NOS1: variants seen among roughly 807,000 people sequenced by gnomAD.
NOS1 encodes the protein NOS type I.
In NOS1, 51 loss-of-function variants were observed where a neutral mutation model predicts 164.5. The ratio of observed to expected loss-of-function variants is 0.31; its 90% CI spans 0.25 to 0.39. The LOEUF (loss-of-function observed/expected upper bound fraction) is 0.39, where lower values mean the gene tolerates loss of function less well. Ranked by LOEUF, NOS1 falls within the 10% of genes least tolerant of loss-of-function variation. The probability of loss-of-function intolerance (pLI) is 1.00; values close to 1 mark genes in which losing one functional copy is unlikely to be tolerated. For missense variants in NOS1, 1,362 were observed against 1,885.6 expected (o/e 0.72, Z 5.14); for synonymous variants, 719 against 745.8 (o/e 0.96, Z 0.59).
chr12:117,291,415 C>T (rs1873047418), intron 3 of NOS1, among the ~76,000 whole-genome samples: 1 of 151,830 alleles, frequency 6.6e-6, no homozygotes, highest in African/African-American at 2.4e-5. Context: ...CCTTTAGTCC[C>T]CCATTTGTCT....
In NOS1 at chr12:117,226,697, G is replaced by A. The variant is rs750786310; in HGVS notation, c.3690C>T (p.Pro1230=). Residue 1230 remains proline, a synonymous_variant, in exon 24 of 29, where the codon CCC becomes CCT. Transcript: ENST00000317775. ...TTATTACTCACCCTCTCACGAAACA[G>A]GGGACCAGTTCGTCAGCCTGTATCC... ...LNRIQADELV[P]CFVRGAPSFH... The A allele has an allele frequency of 5.6e-6, 9 of 1,613,810 alleles. No homozygotes were observed. The African/African-American group carries it at 9.3e-5, about 17-fold the overall frequency.
At chr12:117,253,907 T>C (rs1443133460) in intron 16 of NOS1, among the ~76,000 whole-genome samples, 153 bp from the exon 17 acceptor site, 1 of 152,156 alleles carries the variant, frequency 6.6e-6, no homozygotes, top group African/African-American at 2.4e-5. Context: ...TCTTCTATAA[T>C]CTACCAACTT....
intron 3 of NOS1, among the ~76,000 whole-genome samples, chr12:117,302,332 C>T (rs182670141): frequency 5.9e-5 from 9 of 152,238 alleles, no homozygotes; most frequent in African/African-American, 1.4e-4. Flanking sequence ...CGGTGGCTCA[C>T]GCCTGTAATC....
At chr12:117,249,128 A>G (rs1391167032) in intron 17 of NOS1, among the ~76,000 whole-genome samples, 1 of 152,168 alleles carries the variant, frequency 6.6e-6, no homozygotes, top group Admixed American at 6.5e-5. Context: ...TGTCAGTTCT[A>G]GAATTACAGC....
At chr12:117,259,862 G>C (rs931787233) in intron 14 of NOS1, among the ~76,000 whole-genome samples, 3 of 151,990 alleles carry the variant, frequency 2.0e-5, no homozygotes, top group African/African-American at 7.3e-5. Flanking sequence ...GCTCACGCCT[G>C]TAATCCCAGC....
At chr12:117,307,451 C>T (rs1176022185) in intron 3 of NOS1, among the ~76,000 whole-genome samples, 1 of 152,128 alleles carries the variant, frequency 6.6e-6, no homozygotes, top group South Asian at 2.1e-4. Flanking sequence ...GCCTCAACTT[C>T]CCTGGCTCAA....
chr12:117,259,797 G>C (rs1181879125), intron 14 of NOS1, among the ~76,000 whole-genome samples: 37 of 152,078 alleles, frequency 2.4e-4, no homozygotes, highest in Admixed American at 2.4e-3. Flanking sequence ...TAGATTACAG[G>C]CTCTGGGAAG....
intron 3 of NOS1, among the ~76,000 whole-genome samples, chr12:117,299,844 C>T (rs1451047078): frequency 6.6e-6 from 1 of 151,984 alleles, no homozygotes; most frequent in Non-Finnish European, 1.5e-5. Flanking sequence ...AAGCTTTCTC[C>T]AAATTGCAGT....
chr12:117,323,437 T>C (rs1326177613), intron 2 of NOS1, among the ~76,000 whole-genome samples: 1 of 152,208 alleles, frequency 6.6e-6, no homozygotes, highest in Non-Finnish European at 1.5e-5. Flanking sequence ...AGAAAGTCAG[T>C]AGAGGCCAAG....
intron 2 of NOS1, among the ~76,000 whole-genome samples, chr12:117,328,128 C>T (rs1875346819): frequency 2.0e-5 from 3 of 152,148 alleles, no homozygotes; most frequent in Admixed American, 1.3e-4. Context: ...CCTCTCCCAC[C>T]CCCTAGAAAG....
rs374123432 is a variant in NOS1 at position 117,339,080 on chromosome 12, C to T, written c.-420-7591G>A. On this transcript the variant is annotated intron_variant, in intron 1 of 28. Coordinates refer to ENST00000317775, the MANE Select transcript of NOS1 (RefSeq NM_000620.5). ...ATTTCCTGAACTGCTAATTTGCAGT[C>T]TTTCCCCAGAGAGATCACCACCCAG... Among the ~76,000 whole-genome samples, 3 of 152,204 alleles carry T rather than the reference C, an allele frequency of 2.0e-5. No homozygotes were observed. In the South Asian group the frequency reaches 6.2e-4, roughly 32 times the overall value.
At chr12:117,298,674 G>A (rs1418760973) in intron 3 of NOS1, among the ~76,000 whole-genome samples, 1 of 152,184 alleles carries the variant, frequency 6.6e-6, no homozygotes, top group African/African-American at 2.4e-5. Context: ...GTGCTCACAG[G>A]GAGAGCGCCA....
intron 1 of NOS1, among the ~76,000 whole-genome samples, chr12:117,358,397 G>A (rs570353389): frequency 1.3e-5 from 2 of 152,302 alleles, no homozygotes; most frequent in East Asian, 1.9e-4. Context: ...GACTGGCTTT[G>A]GCCATTTGGG....
chr12:117,325,512 A>G (rs1466032393), intron 2 of NOS1, among the ~76,000 whole-genome samples: 1 of 152,142 alleles, frequency 6.6e-6, no homozygotes, highest in African/African-American at 2.4e-5. Flanking sequence ...AACGCCAGGA[A>G]CATGAAGGAA....
chr12:117,291,529 CTTTTTTTT>C (rs565345654), intron 3 of NOS1, among the ~76,000 whole-genome samples: 3 of 97,376 alleles, frequency 3.1e-5, no homozygotes, highest in Admixed American at 1.2e-4. Flanking sequence ...TTACATCTGT[CTTTTTTTT>C]TTTTTTTTTT....
chr12:117,330,072 A>G lies in NOS1; in HGVS notation c.725+273T>C, dbSNP rs1401493306. Among the ~76,000 whole-genome samples the G allele has an allele frequency of 6.6e-6, 1 of 152,218 alleles. No individual in the cohort carries two copies. Among genetic ancestry groups the G allele is most frequent in the Non-Finnish European group, 1.5e-5 (1 of 68,040 alleles). On this transcript the variant is annotated intron_variant, in intron 2 of 28. Coordinates refer to ENST00000317775, the MANE Select transcript of NOS1 (RefSeq NM_000620.5). The surrounding 1 kb of genome is among the most constrained non-coding windows in gnomAD (Gnocchi z 4.6). The stretch of plus-strand genomic sequence containing the variant: ...TCCTGGAGGATTATAGGGGATAAAG[A>G]TGAGAAGACACACTGTCTGCTACCA...
At chr12:117,224,088 C>T (rs1260358103) in intron 25 of NOS1, among the ~76,000 whole-genome samples, 2 of 152,208 alleles carry the variant, frequency 1.3e-5, no homozygotes, top group South Asian at 2.1e-4. Flanking sequence ...GTTAGCTATT[C>T]CGCTAGAATG....
intron 1 of NOS1, among the ~76,000 whole-genome samples, chr12:117,339,848 T>C (rs1876015977): frequency 6.6e-6 from 1 of 152,238 alleles, no homozygotes; most frequent in African/African-American, 2.4e-5. Flanking sequence ...TCATCCATGT[T>C]TCCACATAAG....
At chr12:117,324,597 T>A (rs956668924) in intron 2 of NOS1, among the ~76,000 whole-genome samples, 4 of 152,088 alleles carry the variant, frequency 2.6e-5, no homozygotes, top group African/African-American at 9.7e-5. Context: ...CTGGGCATGG[T>A]CTCAGTTACT....
Sources: allele counts gnomAD v4.1 joint callset (sites outside exome capture counted in the v4.1 genomes callset), GRCh38; gene constraint gnomAD v4.1.1; non-coding constraint Gnocchi (gnomAD v3.1); transcripts MANE v1.5; gene names NCBI Gene and HGNC (gene_info 2026-07-23, HGNC 2026-07-21).